Variants in LIMCH1 observed in about 807,000 individuals in gnomAD.
The protein encoded by LIMCH1 is LIM and calponin homology domains 1, also known as LIM and calponin homology domains-containing protein 1.
Under a neutral mutation model 176.5 loss-of-function variants are expected in LIMCH1, and 113 were observed. The observed-to-expected ratio is 0.64, with a 90% CI of 0.55 to 0.75. The LOEUF is 0.75. Ranked by LOEUF, LIMCH1 falls within the 30% of genes least tolerant of loss-of-function variation. The pLI, the probability that LIMCH1 is intolerant of heterozygous loss-of-function variation, is 0.00. For missense variants in LIMCH1, 1,674 were observed against 1,814.9 expected, an observed-to-expected ratio of 0.92 and a Z score of 1.41; for synonymous variants, 619 against 645.9, an observed-to-expected ratio of 0.96 and a Z score of 0.63.
chr4:41,405,745 C>T (rs903793555), intron 1 of LIMCH1, among the ~76,000 whole-genome samples: 1 of 152,120 alleles, frequency 6.6e-6, no homozygotes, highest in East Asian at 1.9e-4. Context: ...AAATTATCAC[C>T]TATACCCCTA....
intron 1 of LIMCH1, among the ~76,000 whole-genome samples, chr4:41,487,899 G>C (rs1181420177): frequency 6.8e-6 from 1 of 147,120 alleles, no homozygotes. Flanking sequence ...TGATCTGCCC[G>C]CCTTGGCCTC....
Position 41,619,412 on chromosome 4 carries a change from T to TC in LIMCH1, c.434dup (p.Leu146AlafsTer11). 1 of 1,611,502 alleles carries TC rather than the reference T, an allele frequency of 6.2e-7. No homozygotes were observed. The highest frequency in any genetic ancestry group is 8.5e-7 in the Non-Finnish European group (1 of 1,179,986). Reference sequence around the variant, plus strand: ...CCGCAAGAGCTGGAGTACCGCCACCTCCCCGCTGGGTGGGGAGAGGCCCTT... The same window carrying TC: ...CCGCAAGAGCTGGAGTACCGCCACCTCCCCCGCTGGGTGGGGAGAGGCCCTT... On this transcript the variant is annotated frameshift_variant, in exon 6 of 32. Coordinates refer to ENST00000503057, the MANE Select transcript of LIMCH1 (RefSeq NM_001330672.2). LOFTEE classifies it high-confidence loss of function.
intron 1 of LIMCH1, among the ~76,000 whole-genome samples, chr4:41,417,054 C>T (rs2060003040): frequency 6.6e-6 from 1 of 151,720 alleles, no homozygotes; most frequent in South Asian, 2.1e-4. Context: ...AGGTTAGATA[C>T]CCATCTTTAT....
intron 1 of LIMCH1, among the ~76,000 whole-genome samples, chr4:41,371,923 T>C (rs1281817311): frequency 6.6e-6 from 1 of 152,222 alleles, no homozygotes; most frequent in Non-Finnish European, 1.5e-5. Context: ...AAGAGAAGCA[T>C]GCTTGGTAAG....
chr4:41,597,618 T>C (rs760046894), intron 1 of LIMCH1, among the ~76,000 whole-genome samples: 3 of 152,178 alleles, frequency 2.0e-5, no homozygotes, highest in Non-Finnish European at 4.4e-5. Context: ...TCTTCCAAGC[T>C]CCTTCCAAGC....
chr4:41,579,554 T>C (rs970105767), intron 1 of LIMCH1, among the ~76,000 whole-genome samples: 1 of 152,228 alleles, frequency 6.6e-6, no homozygotes, highest in Non-Finnish European at 1.5e-5. Context: ...TCATCGTTAA[T>C]GTAACAGTGA....
At chr4:41,552,815 A>G (rs184622255) in intron 1 of LIMCH1, among the ~76,000 whole-genome samples, 1 of 152,358 alleles carries the variant, frequency 6.6e-6, no homozygotes, top group Non-Finnish European at 1.5e-5. Context: ...TTAAAGCATT[A>G]TATAATCAGA....
At chr4:41,367,691 A>AAAAAAAAAAAAAAAAAAG (rs2053264502) in intron 1 of LIMCH1, among the ~76,000 whole-genome samples, 2 of 149,812 alleles carry the variant, frequency 1.3e-5, no homozygotes, top group Non-Finnish European at 3.0e-5. Flanking sequence ...ATCCAAAAAA[A>AAAAAAAAAAAAAAAAAAG]AAAAAAAAAA....
In LIMCH1 at chr4:41,629,639, C is replaced by G. The variant is rs1392229775; in HGVS notation, c.1176C>G (p.Ala392=). The G allele has an allele frequency of 2.0e-6, 3 of 1,536,032 alleles. No individual in the cohort carries two copies. Among genetic ancestry groups the G allele is most frequent in the Non-Finnish European group, 2.6e-6 (3 of 1,146,914 alleles). ...AGCAGAGAATTCAGGGCAGCCTTGC[C>G]CCTCACCGCGAGCCCCCGAGCTTCA... ...LAQQRIQGSL[A]PHREPPSFIT... Residue 392 remains alanine (A), a synonymous_variant, in exon 9 of 32, where the codon GCC becomes GCG. Coordinates refer to ENST00000503057, the MANE Select transcript of LIMCH1 (RefSeq NM_001330672.2).
chr4:41,409,054 G>A (rs1379381698), intron 1 of LIMCH1, among the ~76,000 whole-genome samples: 2 of 152,218 alleles, frequency 1.3e-5, no homozygotes, highest in Admixed American at 6.5e-5. Flanking sequence ...TACATGGGCT[G>A]TGTATAGATC....
intron 1 of LIMCH1, among the ~76,000 whole-genome samples, chr4:41,480,930 C>T (rs1386671120): frequency 1.3e-5 from 2 of 152,150 alleles, no homozygotes; most frequent in Non-Finnish European, 2.9e-5. Context: ...TCCGGACTGA[C>T]CCATTTTCTG....
rs1480777441 is a variant in LIMCH1, at chr4:41,633,024, G to T, written c.1768G>T (p.Ala590Ser). Residue 590 changes from alanine (A) to serine (S), a missense_variant, in exon 12 of 32, where the codon GCT becomes TCT. Around this residue, in one of 3 missense-constraint regions of LIMCH1, gnomAD observed 1,015 missense variants for 1,102.5 expected, o/e 0.92. Transcript: ENST00000503057. Reference protein sequence around the residue: ...PQDGKEETESAPRDSERLSKA... With the variant: ...PQDGKEETESSPRDSERLSKA... ...GGATGGCAAAGAAGAAACAGAAAGC[G>T]CTCCAAGAGATTCTGAGAGGCTGTC... The T allele has an allele frequency of 3.9e-6, 6 of 1,535,956 alleles. No individual in the cohort carries two copies. The highest frequency in any genetic ancestry group is 3.9e-5 in the Admixed American group (2 of 50,974).
At chr4:41,423,005 G>A (rs1348662143) in intron 1 of LIMCH1, among the ~76,000 whole-genome samples, 9 of 152,036 alleles carry the variant, frequency 5.9e-5, no homozygotes, top group Admixed American at 5.9e-4. Flanking sequence ...GTGATCCTCC[G>A]CCTTGGCCTC....
chr4:41,612,807 C>T (rs60014580), intron 4 of LIMCH1: 1 of 1,033,172 alleles, frequency 9.7e-7, no homozygotes, highest in Non-Finnish European at 1.4e-6. Flanking sequence ...CTGGATTCTT[C>T]TGAGGCATCA....
chr4:41,592,252 T>G (rs2087741720), intron 1 of LIMCH1, among the ~76,000 whole-genome samples: 2 of 152,210 alleles, frequency 1.3e-5, no homozygotes, highest in Admixed American at 6.5e-5. Flanking sequence ...CTCCTTCATG[T>G]GTACTTTGGA....
intron 2 of LIMCH1, among the ~76,000 whole-genome samples, chr4:41,521,095 G>A (rs2076077117): frequency 6.6e-6 from 1 of 152,140 alleles, no homozygotes; most frequent in Admixed American, 6.5e-5. Context: ...CCCACCTGGT[G>A]TTGATATTAT....
chr4:41,405,700 T>A (rs546889697), intron 1 of LIMCH1, among the ~76,000 whole-genome samples: 1 of 152,158 alleles, frequency 6.6e-6, no homozygotes, highest in Non-Finnish European at 1.5e-5. Context: ...GTGATAGATA[T>A]CACAGTTACC....
At chr4:41,585,038 A>G (rs999175282) in intron 1 of LIMCH1, among the ~76,000 whole-genome samples, 3 of 152,144 alleles carry the variant, frequency 2.0e-5, no homozygotes, top group Admixed American at 6.5e-5. Flanking sequence ...CACTAATCCC[A>G]TTTATGAGGG....
intron 31 of LIMCH1, among the ~76,000 whole-genome samples, chr4:41,694,959 G>A (rs1023338047): frequency 6.6e-6 from 1 of 151,922 alleles, no homozygotes; most frequent in African/African-American, 2.4e-5. Flanking sequence ...AAATCTCATT[G>A]CTTTGATCTG....
Sources: allele counts gnomAD v4.1 joint callset (sites outside exome capture counted in the v4.1 genomes callset), GRCh38; gene constraint gnomAD v4.1.1; regional missense constraint gnomAD v4.1.1; transcripts MANE v1.5; gene names NCBI Gene and HGNC (gene_info 2026-07-23, HGNC 2026-07-21).